Variants in CEPT1 observed in about 807,000 individuals in gnomAD.
CEPT1 encodes choline/ethanolamine phosphotransferase 1.
A neutral mutation model predicts 42.6 loss-of-function variants in CEPT1; 7 were observed. That is an observed-to-expected ratio of 0.16 (90% CI 0.09 to 0.31). The LOEUF (loss-of-function observed/expected upper bound fraction) is 0.31, where lower values mean the gene tolerates loss of function less well. Among genes scored for constraint, CEPT1 ranks in the 10% least tolerant of loss-of-function variants. CEPT1 has a pLI of 1.00. For synonymous variants in CEPT1, 171 were observed against 171.9 expected, an observed-to-expected ratio of 0.99 and a Z score of 0.04; for missense variants, 306 against 502.1, an observed-to-expected ratio of 0.61 and a Z score of 3.73.
In CEPT1 at chr1:111,184,389, G is replaced by A. The variant is rs925780164; in HGVS notation, c.*79G>A. On this transcript the variant is annotated 3_prime_UTR_variant, in exon 9 of 9. Transcript: ENST00000357172. ...TATTAAGGAGAATGGGGGTGGATAA[G>A]AACAAATATAATTTATAATAATCAA... 10 of 1,096,624 alleles carry A rather than the reference G, an allele frequency of 9.1e-6. No individual in the cohort carries two copies. Among genetic ancestry groups the A allele is most frequent in the Admixed American group, 2.3e-5 (1 of 42,896 alleles). 67.9% of individuals were successfully genotyped at this position (1,096,624 alleles called of 1,614,324 possible).
chr1:111,155,445 T>G (rs193032493), intron 2 of CEPT1, among the ~76,000 whole-genome samples: 1 of 150,318 alleles, frequency 6.7e-6, no homozygotes, highest in African/African-American at 2.4e-5. Context: ...ATTTTATCAT[T>G]TGTGTGTGTG....
chr1:111,164,400 A>T (rs1656025652), intron 4 of CEPT1, among the ~76,000 whole-genome samples: 1 of 152,204 alleles, frequency 6.6e-6, no homozygotes, highest in Non-Finnish European at 1.5e-5. Context: ...TAGCCTGGAT[A>T]GGAAAGACTG....
chr1:111,165,357 G>A (rs1022183084), intron 4 of CEPT1, among the ~76,000 whole-genome samples: 6 of 150,194 alleles, frequency 4.0e-5, no homozygotes, highest in South Asian at 4.2e-4. Context: ...CTAAAACATC[G>A]GTCTTAAAAA....
At chr1:111,162,408 G>C (rs2101319961) in intron 4 of CEPT1, among the ~76,000 whole-genome samples, 1 of 152,342 alleles carries the variant, frequency 6.6e-6, no homozygotes, top group East Asian at 1.9e-4. Context: ...TGTGTGTTTG[G>C]ATGTGGGGAA....
At chr1:111,168,448 A>G (rs374350644) in intron 4 of CEPT1, among the ~76,000 whole-genome samples, 4 of 151,788 alleles carry the variant, frequency 2.6e-5, no homozygotes, top group East Asian at 3.9e-4. Flanking sequence ...TATTGCTTCA[A>G]TAATACAGAA....
chr1:111,145,852 A>G lies in CEPT1; in HGVS notation c.-73-1790A>G, dbSNP rs200792609. 4.6e-5 allele frequency among the ~76,000 whole-genome samples: 7 copies of G among 151,604 alleles called. No individual in the cohort carries two copies. The South Asian group carries it at 8.3e-4, about 18-fold the overall frequency. Reference sequence around the variant, plus strand: ...TCCCCTCCACCCCAGACAGGGGGGAACCTGCCACTCTCAGGACCACCCTGC... The same window carrying G: ...TCCCCTCCACCCCAGACAGGGGGGAGCCTGCCACTCTCAGGACCACCCTGC... On this transcript the variant is annotated intron_variant, in intron 1 of 8. Coordinates refer to ENST00000357172, the MANE Select transcript of CEPT1 (RefSeq NM_006090.5).
chr1:111,144,018 A>C (rs1323561245), intron 1 of CEPT1, among the ~76,000 whole-genome samples: 1 of 152,200 alleles, frequency 6.6e-6, no homozygotes, highest in African/African-American at 2.4e-5. Context: ...GCAATGAGCC[A>C]CTGTTCCCAA....
intron 2 of CEPT1, among the ~76,000 whole-genome samples, chr1:111,153,777 A>G (rs983012971): frequency 1.3e-5 from 2 of 152,110 alleles, no homozygotes; most frequent in Admixed American, 6.6e-5. Flanking sequence ...CTGTAAATAC[A>G]TAGATTTATT....
intron 1 of CEPT1, among the ~76,000 whole-genome samples, chr1:111,145,038 C>CA (rs1654878321): frequency 6.7e-6 from 1 of 150,272 alleles, no homozygotes; most frequent in Admixed American, 6.6e-5. Flanking sequence ...TTTTTTAAGA[C>CA]AGAGTCTCGC....
At chr1:111,143,798 C>T (rs1370667672) in intron 1 of CEPT1, among the ~76,000 whole-genome samples, 4 of 152,140 alleles carry the variant, frequency 2.6e-5, no homozygotes, top group Admixed American at 1.3e-4. Context: ...AGTACAGTGG[C>T]GTGATCATGG....
chr1:111,176,432 T>A (rs325886), intron 5 of CEPT1, among the ~76,000 whole-genome samples: 33,752 of 152,000 alleles, frequency 0.22, 4,583 homozygotes, highest in Admixed American at 0.37. Context: ...GTGATTATTA[T>A]TTTTATAAGC....
intron 4 of CEPT1, among the ~76,000 whole-genome samples, chr1:111,174,623 C>A (rs1656585648): frequency 6.6e-6 from 1 of 151,212 alleles, no homozygotes; most frequent in Non-Finnish European, 1.5e-5. Flanking sequence ...AGCCCAACTT[C>A]AATGAGTCAG....
chr1:111,143,090 C>G (rs1654749914), intron 1 of CEPT1, among the ~76,000 whole-genome samples: 1 of 152,210 alleles, frequency 6.6e-6, no homozygotes, highest in Non-Finnish European at 1.5e-5. Flanking sequence ...TTACAGGTTT[C>G]TTTATAAGCA....
At chr1:111,153,132 T>C (rs1655374321) in intron 2 of CEPT1, among the ~76,000 whole-genome samples, 1 of 152,144 alleles carries the variant, frequency 6.6e-6, no homozygotes, top group South Asian at 2.1e-4. Context: ...CCCCTCCTCC[T>C]TACCCATCCC....
intron 3 of CEPT1, 179 bp from the exon 4 acceptor site, chr1:111,160,976 A>C: frequency 1.7e-6 from 1 of 583,556 alleles, no homozygotes; most frequent in Non-Finnish European, 2.9e-6. Context: ...AAAAAGAGAG[A>C]TTGAAATTAT....
chr1:111,156,400 T>C (rs1277318741), intron 2 of CEPT1, among the ~76,000 whole-genome samples: 1 of 152,250 alleles, frequency 6.6e-6, no homozygotes, highest in East Asian at 1.9e-4. Context: ...TGAAATGTTC[T>C]GTAAATGTCT....
intron 1 of CEPT1, among the ~76,000 whole-genome samples, chr1:111,142,408 T>C (rs1654698457): frequency 4.6e-5 from 7 of 152,210 alleles, no homozygotes; most frequent in African/African-American, 1.4e-4. Context: ...AATGTTATAT[T>C]TCAGCCTTTC....
Position 111,182,442 on chromosome 1 carries a change from G to C in CEPT1, c.846+124G>C, listed in dbSNP as rs1657037942. On this transcript the variant is annotated intron_variant, in intron 6 of 8. Transcript: ENST00000357172. ...TTATAATTTATACTTAGCCTTTAAA[G>C]AAACTAATGTTCAAAACTTCAATTT... 6.3e-6 allele frequency: 7 copies of C among 1,106,276 alleles called. No homozygotes were observed. In the African/African-American group the frequency reaches 1.1e-4, roughly 18 times the overall value. 68.5% of individuals were successfully genotyped at this position (1,106,276 alleles called of 1,614,324 possible).
chr1:111,141,171 T>G (rs1374326933), intron 1 of CEPT1, among the ~76,000 whole-genome samples: 3 of 152,252 alleles, frequency 2.0e-5, no homozygotes, highest in African/African-American at 7.2e-5. Flanking sequence ...AAAGATTTAT[T>G]TCCTACTCGA....
Sources: allele counts gnomAD v4.1 joint callset (sites outside exome capture counted in the v4.1 genomes callset), GRCh38; gene constraint gnomAD v4.1.1; transcripts MANE v1.5; gene names NCBI Gene and HGNC (gene_info 2026-07-23, HGNC 2026-07-21).